The following CSMD1 variants were observed in gnomAD, a reference collection of about 807,000 sequenced individuals.
CSMD1 encodes the protein CUB and sushi domain-containing protein 1.
CSMD1 carries 213 observed loss-of-function variants against 417.5 expected under a neutral mutation model. The ratio of observed to expected loss-of-function variants is 0.51; its 90% CI spans 0.46 to 0.57. The LOEUF (loss-of-function observed/expected upper bound fraction) is 0.57. CSMD1 is among the 20% of genes least tolerant of loss of function. CSMD1 has a pLI of 0.00. For missense variants in CSMD1, 6,923 were observed against 4,529.7 expected, an observed-to-expected ratio of 1.53 and a Z score of -15.17; for synonymous variants, 2,862 against 1,736.8, an observed-to-expected ratio of 1.65 and a Z score of -16.11.
At chr8:4,861,665 C>A (rs547661583) in intron 1 of CSMD1, among the ~76,000 whole-genome samples, 10 of 152,166 alleles carry the variant, frequency 6.6e-5, no homozygotes, top group African/African-American at 2.4e-4. Context: ...GTGGTATTTT[C>A]TACCACATAA....
At chr8:4,209,232 C>T (rs1800159747) in intron 3 of CSMD1, among the ~76,000 whole-genome samples, 2 of 152,098 alleles carry the variant, frequency 1.3e-5, no homozygotes, top group South Asian at 2.1e-4. Flanking sequence ...AGACACTTGC[C>T]CAGATTTCTA....
At chr8:2,975,524 T>C (rs1804839085) in intron 55 of CSMD1, among the ~76,000 whole-genome samples, 1 of 152,190 alleles carries the variant, frequency 6.6e-6, no homozygotes, top group Admixed American at 6.5e-5. Flanking sequence ...CTGGAAGCCA[T>C]GGCCATCCCC....
chr8:3,441,398 C>G (rs375862682), intron 12 of CSMD1, among the ~76,000 whole-genome samples: 31 of 151,798 alleles, frequency 2.0e-4, no homozygotes, highest in East Asian at 1.6e-3. Context: ...TCTTCTTTAT[C>G]CTGTTAATTT....
intron 10 of CSMD1, among the ~76,000 whole-genome samples, chr8:3,521,694 C>T (rs766195398): frequency 2.0e-5 from 3 of 152,158 alleles, no homozygotes; most frequent in South Asian, 4.1e-4. Flanking sequence ...AGGTCATCAA[C>T]CATGACCAGA....
At chr8:4,604,598 A>C (rs934599140) in intron 2 of CSMD1, among the ~76,000 whole-genome samples, 1 of 152,168 alleles carries the variant, frequency 6.6e-6, no homozygotes, top group Non-Finnish European at 1.5e-5. Context: ...TAGCTTAAAA[A>C]TGTTAAAAAG....
intron 1 of CSMD1, among the ~76,000 whole-genome samples, chr8:4,865,768 A>T (rs1802389773): frequency 6.6e-6 from 1 of 151,882 alleles, no homozygotes. Flanking sequence ...CCTAGCCCCA[A>T]ACAAAACCTC....
chr8:3,781,376 A>G (rs1799171906), intron 5 of CSMD1, among the ~76,000 whole-genome samples: 2 of 152,256 alleles, frequency 1.3e-5, no homozygotes, highest in African/African-American at 4.8e-5. Context: ...AGCGCATTCT[A>G]TAGAGTTAAT....
intron 3 of CSMD1, among the ~76,000 whole-genome samples, chr8:4,114,614 A>G (rs1802035695): frequency 6.6e-6 from 1 of 152,228 alleles, no homozygotes. Context: ...GGACTTGGTC[A>G]AAATAAATTG....
intron 5 of CSMD1, among the ~76,000 whole-genome samples, chr8:3,981,323 G>A (rs1299542331): frequency 6.6e-6 from 1 of 152,034 alleles, no homozygotes; most frequent in East Asian, 1.9e-4. Flanking sequence ...AATGATAACA[G>A]CGGATTTTGG....
Position 4,836,929 on chromosome 8 carries a change from G to T in CSMD1, c.85+157403C>A, listed in dbSNP as rs77464391. 4.0e-3 allele frequency among the ~76,000 whole-genome samples: 615 copies of T among 152,162 alleles called. 3 individuals are homozygous for T. Among genetic ancestry groups the T allele is most frequent in the East Asian group, 0.011 (57 of 5,172 alleles). ...GTTGCTGCTGTGTAGAGTTCTAATG[G>T]GAAACCTCCATGGCTGTTGAAAGGA... On this transcript the variant is annotated intron_variant, in intron 1 of 69. Coordinates refer to ENST00000635120, the MANE Select transcript of CSMD1 (RefSeq NM_033225.6).
At chr8:3,071,598 C>G (rs1489658382) in intron 49 of CSMD1, among the ~76,000 whole-genome samples, 1 of 152,116 alleles carries the variant, frequency 6.6e-6, no homozygotes, top group East Asian at 1.9e-4. Context: ...AATTTTCAAC[C>G]TCAAGTGGAT....
At chr8:3,387,005 AC>A (rs1197444950) in intron 18 of CSMD1, among the ~76,000 whole-genome samples, 1 of 152,192 alleles carries the variant, frequency 6.6e-6, no homozygotes, top group Non-Finnish European at 1.5e-5. Context: ...GGCTGTTATC[AC>A]AAAAAGCTGC....
At position 3,388,893 on chromosome 8, in the gene CSMD1, G is replaced by A. The variant is rs897768127; in HGVS notation, c.2594-1211C>T. On this transcript the variant is annotated intron_variant, in intron 17 of 69. Coordinates refer to ENST00000635120, the MANE Select transcript of CSMD1 (RefSeq NM_033225.6). ...CTCTCTACATACACACCACACACAT[G>A]CATACACACACACACACACACACAC... Among the ~76,000 whole-genome samples, 3 of 92,968 alleles carry A rather than the reference G, an allele frequency of 3.2e-5. No individual in the cohort carries two copies. The Admixed American group carries it at 4.0e-4, about 12-fold the overall frequency. 61.0% of individuals were successfully genotyped at this position (92,968 alleles called of 152,430 possible). A position where few individuals can be genotyped will look rare whatever the true frequency, so the allele number is the denominator to read the frequency against.
chr8:3,472,768 G>C (rs1295601857), intron 11 of CSMD1, among the ~76,000 whole-genome samples: 1 of 151,994 alleles, frequency 6.6e-6, no homozygotes, highest in Non-Finnish European at 1.5e-5. Flanking sequence ...TTACTCATAA[G>C]TATAAGGGGG....
chr8:3,929,146 C>G (rs918688565), intron 5 of CSMD1, among the ~76,000 whole-genome samples: 9 of 150,076 alleles, frequency 6.0e-5, no homozygotes, highest in Non-Finnish European at 4.4e-5. Flanking sequence ...TTTCTACTGC[C>G]CCCTCTGGAA....
rs912257596 is a variant in CSMD1 at position 3,087,348 on chromosome 8, C to T, written c.7286-63G>A. Reference sequence around the variant, plus strand: ...AGCAAACAAATGGCCAGTGCCATTGCCTTTGTGAGAGTCTATAAATGAATG... The same window carrying T: ...AGCAAACAAATGGCCAGTGCCATTGTCTTTGTGAGAGTCTATAAATGAATG... On this transcript the variant is annotated intron_variant, in intron 48 of 69. Transcript: ENST00000635120. 6.7e-6 allele frequency: 10 copies of T among 1,501,410 alleles called. 1 individual carries two copies. In the South Asian group the frequency reaches 1.0e-4, roughly 16 times the overall value. The allele number at this position is 1,501,410 out of a possible 1,614,324, so 93.0% of individuals were successfully genotyped here. A position where few individuals can be genotyped will look rare whatever the true frequency, so the allele number is the denominator to read the frequency against.
At chr8:4,271,548 T>C (rs1245294663) in intron 3 of CSMD1, among the ~76,000 whole-genome samples, 2 of 150,894 alleles carry the variant, frequency 1.3e-5, no homozygotes, top group East Asian at 3.9e-4. Context: ...ATACCACCAT[T>C]ACAATTACAT....
intron 10 of CSMD1, among the ~76,000 whole-genome samples, chr8:3,571,174 G>A (rs13271642): frequency 0.49 from 73,781 of 151,836 alleles, 18,214 homozygotes; most frequent in Middle Eastern, 0.56. Flanking sequence ...GAAAACCAAC[G>A]CCATCAACAA....
At chr8:4,202,199 G>A (rs543901143) in intron 3 of CSMD1, among the ~76,000 whole-genome samples, 12 of 152,046 alleles carry the variant, frequency 7.9e-5, no homozygotes, top group East Asian at 3.9e-4. Flanking sequence ...TTATAATGAC[G>A]CAACAAAATG....
Sources: allele counts gnomAD v4.1 joint callset (sites outside exome capture counted in the v4.1 genomes callset), GRCh38; gene constraint gnomAD v4.1.1; transcripts MANE v1.5; gene names NCBI Gene and HGNC (gene_info 2026-07-23, HGNC 2026-07-21).